Variants in NELL2 observed in about 807,000 individuals in gnomAD.
NELL2 encodes the protein neural EGFL like 2.
NELL2 carries 41 observed loss-of-function variants against 109.6 expected under a neutral mutation model. The ratio of observed to expected loss-of-function variants is 0.37; its 90% confidence interval spans 0.29 to 0.49. NELL2 has a LOEUF of 0.49. Ranked by LOEUF, NELL2 falls within the 20% of genes least tolerant of loss-of-function variation. The pLI is 0.98. For synonymous variants in NELL2, 355 were observed against 344.7 expected (o/e 1.03, Z -0.33); for missense variants, 900 against 1,008.3 (o/e 0.89, Z 1.45).
At chr12:44,852,654 A>G (rs1474592172) in intron 2 of NELL2, among the ~76,000 whole-genome samples, 4 of 152,196 alleles carry the variant, frequency 2.6e-5, no homozygotes, top group African/African-American at 9.7e-5. Context: ...TGACTTTACT[A>G]ATTTGCTGAC....
chr12:44,586,552 T>A (rs1047613963), intron 15 of NELL2, among the ~76,000 whole-genome samples: 5 of 152,104 alleles, frequency 3.3e-5, no homozygotes, highest in Non-Finnish European at 7.4e-5. Context: ...TGCTAAGGTA[T>A]CTAAAATAAT....
intron 9 of NELL2, among the ~76,000 whole-genome samples, chr12:44,748,394 G>A (rs901379381): frequency 1.3e-5 from 2 of 151,774 alleles, no homozygotes; most frequent in African/African-American, 2.4e-5. Flanking sequence ...ACAAGGAATC[G>A]CTACTTCTTT....
intron 15 of NELL2, among the ~76,000 whole-genome samples, chr12:44,550,374 C>T (rs1374357341): frequency 6.6e-6 from 1 of 151,070 alleles, no homozygotes; most frequent in Non-Finnish European, 1.5e-5. Flanking sequence ...ATTAAAATAG[C>T]CAAACTGGGA....
In NELL2 at chr12:44,606,077, T is replaced by C. The variant is rs921824040; in HGVS notation, c.1663+1092A>G. On this transcript the variant is annotated intron_variant, in intron 15 of 19. Transcript: ENST00000429094. The stretch of plus-strand genomic sequence containing the variant: ...TCCTACATACCAAAGATAGACACTA[T>C]GCATTGTCCGTCACAGACTTTTGAA... 1.2e-4 allele frequency among the ~76,000 whole-genome samples: 19 copies of C among 152,248 alleles called. 1 individual carries two copies. Among genetic ancestry groups the C allele is most frequent in the Admixed American group, 1.1e-3 (17 of 15,284 alleles).
chr12:44,559,494 C>T (rs1943388567), intron 15 of NELL2, among the ~76,000 whole-genome samples: 1 of 152,234 alleles, frequency 6.6e-6, no homozygotes, highest in Non-Finnish European at 1.5e-5. Flanking sequence ...ATTTACCAAA[C>T]AAATGGAAAG....
intron 15 of NELL2, among the ~76,000 whole-genome samples, chr12:44,537,413 GT>G (rs1405673401): frequency 2.6e-5 from 4 of 152,026 alleles, no homozygotes; most frequent in Non-Finnish European, 5.9e-5. Flanking sequence ...AAACTGATTA[GT>G]TTCTGCTCTT....
At position 44,816,130 on chromosome 12, in the gene NELL2, G is replaced by C. The variant is rs548126268; in HGVS notation, c.191C>G (p.Pro64Arg). ...AGCAGTGGATGCTTTTATGCTTCTGGGAGTATCTAAAAAAGAAACAAACAT... is the reference window on the plus strand; with the variant it reads ...AGCAGTGGATGCTTTTATGCTTCTGCGAGTATCTAAAAAAGAAACAAACAT... ...GTKAFLFQDTPRSIKASTATA... is the reference protein window; with the variant it reads ...GTKAFLFQDTRRSIKASTATA... The change falls in exon 3 of 20, where the codon CCC becomes CGC. Residue 64 changes from proline to arginine, a missense_variant. Physicochemically the swap from Pro to Arg is moderately radical, Grantham distance 103. Around this residue, in one of 4 missense-constraint regions of NELL2, gnomAD observed 200 missense variants for 191.8 expected, o/e 1.04. Transcript: ENST00000429094. 3 of 1,588,348 alleles carry C rather than the reference G, an allele frequency of 1.9e-6. No individual in the cohort carries two copies. The South Asian group carries it at 3.5e-5, about 19-fold the overall frequency.
chr12:44,709,617 A>T (rs1288197019), intron 11 of NELL2, among the ~76,000 whole-genome samples: 1 of 152,168 alleles, frequency 6.6e-6, no homozygotes, highest in African/African-American at 2.4e-5. Flanking sequence ...GTTTTTTTGC[A>T]GAAATAGAGA....
At chr12:44,715,355 A>G (rs1399213322) in intron 9 of NELL2, among the ~76,000 whole-genome samples, 1 of 150,616 alleles carries the variant, frequency 6.6e-6, no homozygotes, top group Non-Finnish European at 1.5e-5. Flanking sequence ...GTAACCTTAG[A>G]TTCCATGGGA....
At chr12:44,802,845 A>C (rs552230556) in intron 3 of NELL2, among the ~76,000 whole-genome samples, 2 of 152,162 alleles carry the variant, frequency 1.3e-5, no homozygotes, top group Admixed American at 1.3e-4. Flanking sequence ...AGAAGCAATA[A>C]TATCTAATAC....
At chr12:44,648,737 T>C (rs868187125) in intron 13 of NELL2, among the ~76,000 whole-genome samples, 1 of 55,590 alleles carries the variant, frequency 1.8e-5, no homozygotes, top group Non-Finnish European at 3.9e-5. Context: ...ATATATTTTT[T>C]TTTTTTTTTT....
chr12:44,553,668 T>C (rs1387021529), intron 15 of NELL2, among the ~76,000 whole-genome samples: 1 of 152,200 alleles, frequency 6.6e-6, no homozygotes, highest in African/African-American at 2.4e-5. Context: ...ATGCATTGTA[T>C]ATGGGTATCG....
chr12:44,734,290 A>T (rs1300278648), intron 9 of NELL2, among the ~76,000 whole-genome samples: 2 of 151,948 alleles, frequency 1.3e-5, no homozygotes, highest in African/African-American at 4.8e-5. Flanking sequence ...TCAGGGAAAA[A>T]TACCTTTCTT....
In NELL2 at chr12:44,901,699, CAGCATG is replaced by C. The variant is rs1945662477; in HGVS notation, c.38+12094_38+12099del. Among the ~76,000 whole-genome samples, 3 of 152,166 alleles carry C rather than the reference CAGCATG, an allele frequency of 2.0e-5. 1 individual carries two copies. Among genetic ancestry groups the C allele is most frequent in the Admixed American group, 2.0e-4 (3 of 15,278 alleles). The stretch of plus-strand genomic sequence containing the variant: ...CCAGCAGCACATCAAAAGGCTTATC[CAGCATG>C]ATCAAGTCAGCTTCATCCCTGGGAT... On this transcript the variant is annotated intron_variant, in intron 1 of 20. Coordinates refer to the NELL2 transcript ENST00000333837.
chr12:44,521,989 G>C lies in NELL2; in HGVS notation c.2175+11C>G. Reference sequence around the variant, plus strand: ...CTAAATTTTCTTTCCACTTCATGTAGCTAAATTTACCAAGCAGCGGCACTG... The same window carrying C: ...CTAAATTTTCTTTCCACTTCATGTACCTAAATTTACCAAGCAGCGGCACTG... On this transcript the variant is annotated intron_variant, in intron 18 of 19. Coordinates refer to ENST00000429094, the MANE Select transcript of NELL2 (RefSeq NM_001145108.2). 1 of 1,611,154 alleles carries C rather than the reference G, an allele frequency of 6.2e-7. No homozygotes were observed. The highest frequency in any genetic ancestry group is 1.3e-5 in the African/African-American group (1 of 74,804).
intron 13 of NELL2, among the ~76,000 whole-genome samples, chr12:44,644,882 GCAGA>G (rs2136306975): frequency 6.6e-6 from 1 of 151,640 alleles, no homozygotes; most frequent in South Asian, 2.1e-4. Flanking sequence ...GAAGCAGGAG[GCAGA>G]CAGTTAGGAA....
chr12:44,736,422 A>G (rs1939656376), intron 9 of NELL2, among the ~76,000 whole-genome samples: 1 of 152,186 alleles, frequency 6.6e-6, no homozygotes, highest in Admixed American at 6.5e-5. Context: ...GGCAAAGACT[A>G]AGATTCTAGC....
At chr12:44,735,465 T>A (rs950619433) in intron 9 of NELL2, among the ~76,000 whole-genome samples, 1 of 152,174 alleles carries the variant, frequency 6.6e-6, no homozygotes, top group African/African-American at 2.4e-5. Context: ...AGGCTTTATA[T>A]CCATGCAACA....
At chr12:44,643,353 T>G (rs1166793060) in intron 13 of NELL2, among the ~76,000 whole-genome samples, 1 of 152,164 alleles carries the variant, frequency 6.6e-6, no homozygotes, top group Non-Finnish European at 1.5e-5. Context: ...GATAAAATAT[T>G]CATACAAGTT....
Sources: allele counts gnomAD v4.1 joint callset (sites outside exome capture counted in the v4.1 genomes callset), GRCh38; gene constraint gnomAD v4.1.1; regional missense constraint gnomAD v4.1.1; transcripts MANE v1.5; gene names NCBI Gene and HGNC (gene_info 2026-07-23, HGNC 2026-07-21).